NSUN6: variants seen among roughly 807,000 people sequenced by gnomAD.
NSUN6 encodes the protein NOP2/Sun RNA methyltransferase 6, also known as tRNA (cytosine(72)-C(5))-methyltransferase NSUN6.
NSUN6 carries 64 observed loss-of-function variants against 58.0 expected under a neutral mutation model. The observed-to-expected ratio is 1.10, with a 90% CI of 0.90 to 1.36. NSUN6 has a LOEUF of 1.36. Ranked by LOEUF, NSUN6 falls within the 40% of genes most tolerant of loss-of-function variation. NSUN6 has a pLI of 0.00. For missense variants in NSUN6, 701 were observed against 550.1 expected, an observed-to-expected ratio of 1.27 and a Z score of -2.74; for synonymous variants, 231 against 193.9, an observed-to-expected ratio of 1.19 and a Z score of -1.59.
intron 3 of NSUN6, among the ~76,000 whole-genome samples, chr10:18,629,741 C>G (rs2058961108): frequency 6.8e-6 from 1 of 147,740 alleles, no homozygotes; most frequent in African/African-American, 2.5e-5. Flanking sequence ...CAGGAGCACC[C>G]AGATTCATAA....
intron 8 of NSUN6, among the ~76,000 whole-genome samples, chr10:18,552,968 CTCCATTCCAT>C (rs549055903): frequency 3.5e-4 from 50 of 144,086 alleles, no homozygotes; most frequent in East Asian, 2.8e-3. Flanking sequence ...ACATTCCATT[CTCCATTCCAT>C]TCCATTCCAT....
At chr10:18,599,468 G>C (rs1180422598) in intron 6 of NSUN6, among the ~76,000 whole-genome samples, 1 of 152,112 alleles carries the variant, frequency 6.6e-6, no homozygotes, top group Non-Finnish European at 1.5e-5. Context: ...TAATCACCGG[G>C]TAAGCTTAGG....
intron 8 of NSUN6, among the ~76,000 whole-genome samples, chr10:18,565,865 A>ATTGAAT (rs2055889085): frequency 6.7e-6 from 1 of 148,476 alleles, no homozygotes; most frequent in Admixed American, 6.7e-5. Flanking sequence ...TCTCCATTCC[A>ATTGAAT]GTTCATTCTG....
chr10:18,613,559 A>C (rs552848758), intron 5 of NSUN6, among the ~76,000 whole-genome samples: 3 of 152,190 alleles, frequency 2.0e-5, no homozygotes, highest in Non-Finnish European at 4.4e-5. Context: ...GGCAGTCAAA[A>C]TATCAATTAC....
chr10:18,588,952 G>A (rs2057276775), intron 7 of NSUN6, among the ~76,000 whole-genome samples: 1 of 152,118 alleles, frequency 6.6e-6, no homozygotes, highest in African/African-American at 2.4e-5. Flanking sequence ...TTCTGAAGGT[G>A]GGTAATAACA....
rs1265390086 is a variant in NSUN6, at chr10:18,559,394, AGGAATGGGGAAT to A, written c.923-7435_923-7424del. ...GAATGGAAGGGAGAATATAATGGAA[AGGAATGGGGAAT>A]GGAATGGGGAATGGAATGGAATGGA... On this transcript the variant is annotated intron_variant, in intron 8 of 10. Coordinates refer to ENST00000377304, the MANE Select transcript of NSUN6 (RefSeq NM_182543.5). 1.0e-3 allele frequency among the ~76,000 whole-genome samples: 156 copies of A among 149,816 alleles called. 3 individuals are homozygous for A. The East Asian group carries it at 0.017, about 16-fold the overall frequency.
Position 18,609,943 on chromosome 10 carries a change from C to A in NSUN6, c.576-17G>T, listed in dbSNP as rs1428490696. ...CCCATGCCTCTGAAAAATAGGAAATCTAACATTAGTCTGTATAAATTCCAT... is the reference window on the plus strand; with the variant it reads ...CCCATGCCTCTGAAAAATAGGAAATATAACATTAGTCTGTATAAATTCCAT... On this transcript the variant is annotated splice_polypyrimidine_tract_variant and intron_variant, in intron 5 of 10. Transcript: ENST00000377304. The A allele has an allele frequency of 2.1e-6, 3 of 1,437,796 alleles. No homozygotes were observed. In the East Asian group the frequency reaches 6.8e-5, roughly 33 times the overall value. The allele number at this position is 1,437,796 out of a possible 1,614,324, so 89.1% of individuals were successfully genotyped here. A position where few individuals can be genotyped will look rare whatever the true frequency, so the allele number is the denominator to read the frequency against.
intron 6 of NSUN6, among the ~76,000 whole-genome samples, chr10:18,606,696 C>G (rs746372948): frequency 2.1e-4 from 32 of 152,102 alleles, no homozygotes; most frequent in Non-Finnish European, 3.8e-4. Context: ...AAATTCTATT[C>G]TGTAATTCTG....
upstream of NSUN6, among the ~76,000 whole-genome samples, chr10:18,657,376 G>A (rs778962545): frequency 5.6e-4 from 85 of 152,206 alleles, no homozygotes; most frequent in African/African-American, 1.8e-3. Flanking sequence ...TAAGAAAGGT[G>A]TTAAAAGTAA....
At chr10:18,548,051 C>G in intron 10 of NSUN6, 61 bp downstream of exon 10, 1 of 1,529,670 alleles carries the variant, frequency 6.5e-7, no homozygotes. Flanking sequence ...CCCTGATTAC[C>G]ACAGTGCTTC....
intron 8 of NSUN6, among the ~76,000 whole-genome samples, chr10:18,572,262 T>C (rs751112030): frequency 7.0e-6 from 1 of 142,914 alleles, no homozygotes; most frequent in Non-Finnish European, 1.5e-5. Flanking sequence ...TCCATCCCAT[T>C]CTCCATTCCA....
intron 8 of NSUN6, among the ~76,000 whole-genome samples, chr10:18,552,395 T>C (rs1168123157): frequency 6.6e-6 from 1 of 151,980 alleles, no homozygotes; most frequent in East Asian, 1.9e-4. Context: ...TGTTCCTGAG[T>C]CTCCTTGTTT....
upstream of NSUN6, chr10:18,652,446 GACAC>G (rs1227011924): frequency 1.9e-5 from 19 of 982,732 alleles, no homozygotes; most frequent in South Asian, 3.3e-4. Context: ...TATACACACA[GACAC>G]ACACACATAG....
intron 5 of NSUN6, among the ~76,000 whole-genome samples, chr10:18,612,483 G>A (rs372301690): frequency 6.6e-6 from 1 of 152,118 alleles, no homozygotes; most frequent in Non-Finnish European, 1.5e-5. Context: ...TCAATACCCA[G>A]AATCTACAAC....
chr10:18,562,000 G>A (rs1004156516), intron 8 of NSUN6, among the ~76,000 whole-genome samples: 2 of 150,480 alleles, frequency 1.3e-5, no homozygotes, highest in Admixed American at 6.7e-5. Context: ...ATGGAATGGA[G>A]AATTGAAAGG....
intron 8 of NSUN6, among the ~76,000 whole-genome samples, chr10:18,581,022 T>A (rs775154156): frequency 2.0e-5 from 3 of 152,174 alleles, no homozygotes; most frequent in African/African-American, 4.8e-5. Context: ...AAGTGCATGG[T>A]CTGACCTTCT....
chr10:18,562,762 C>CAATGG (rs1347788710), intron 8 of NSUN6, among the ~76,000 whole-genome samples: 1 of 78,484 alleles, frequency 1.3e-5, no homozygotes, highest in African/African-American at 5.6e-5. Context: ...CTGGAATGGA[C>CAATGG]AATGGAATGG....
intron 9 of NSUN6, among the ~76,000 whole-genome samples, chr10:18,550,007 G>C (rs570152707): frequency 6.6e-6 from 1 of 152,206 alleles, no homozygotes; most frequent in Admixed American, 6.5e-5. Flanking sequence ...TTAGGTGGAA[G>C]AGCCATGGCT....
chr10:18,553,158 C>G (rs9418530), intron 8 of NSUN6, among the ~76,000 whole-genome samples: 4 of 151,844 alleles, frequency 2.6e-5, no homozygotes, highest in African/African-American at 9.7e-5. Flanking sequence ...CCCTTCCATT[C>G]CATTCTCCAT....
Sources: gnomAD v4.1 joint callset for allele counts (sites outside exome capture counted in the v4.1 genomes callset) on GRCh38, gnomAD v4.1.1 for gene constraint, MANE v1.5 for transcripts, NCBI Gene and HGNC (gene_info 2026-07-23, HGNC 2026-07-21) for gene names.